PDE6A: variants seen among roughly 807,000 people sequenced by gnomAD.
PDE6A encodes phosphodiesterase 6A, also known as rod cGMP-specific 3',5'-cyclic phosphodiesterase subunit alpha.
PDE6A carries 84 observed loss-of-function variants against 106.3 expected under a neutral mutation model. The ratio of observed to expected loss-of-function variants is 0.79; its 90% confidence interval spans 0.66 to 0.95. PDE6A has a LOEUF of 0.95. Ranked by LOEUF, PDE6A falls within the 40% of genes least tolerant of loss-of-function variation. The probability of loss-of-function intolerance (pLI) is 0.00; values close to 1 mark genes in which losing one functional copy is unlikely to be tolerated. For missense variants in PDE6A, 1,052 were observed against 1,084.9 expected, an observed-to-expected ratio of 0.97 and a Z score of 0.43; for synonymous variants, 394 against 386.6, an observed-to-expected ratio of 1.02 and a Z score of -0.23.
chr5:149,892,147 T>TA (rs996904985), intron 13 of PDE6A, among the ~76,000 whole-genome samples: 1 of 152,044 alleles, frequency 6.6e-6, no homozygotes, highest in Non-Finnish European at 1.5e-5. Context: ...CCCATCTCTC[T>TA]AAAAAACAAA....
Position 149,866,259 on chromosome 5 carries a change from A to T in PDE6A, c.2275-6T>A. 1 of 1,610,174 alleles carries T rather than the reference A, an allele frequency of 6.2e-7. No homozygotes were observed. The highest frequency in any genetic ancestry group is 8.5e-7 in the Non-Finnish European group (1 of 1,176,374). On this transcript the variant is annotated splice_region_variant and splice_polypyrimidine_tract_variant and intron_variant, in intron 19 of 21. Coordinates refer to ENST00000255266, the MANE Select transcript of PDE6A (RefSeq NM_000440.3). ...TTGTTTCTGTCCATCATGGGCTGTC[A>T]TGGGGGAGAAAGAGTTAATTGCACT... is the stretch of plus-strand genomic sequence containing the variant.
At chr5:149,866,548 A>G in intron 19 of PDE6A, 1 of 389,130 alleles carries the variant, frequency 2.6e-6, no homozygotes. Context: ...GCTACAGATT[A>G]AAAGAGACTT....
intron 1 of PDE6A, among the ~76,000 whole-genome samples, chr5:149,934,941 A>AAG (rs1223026786): frequency 1.3e-5 from 2 of 152,122 alleles, no homozygotes; most frequent in Admixed American, 1.3e-4. Context: ...GAGGTGTGCA[A>AAG]AGCAGTGTGG....
At position 149,884,540 on chromosome 5, in the gene PDE6A, C is replaced by A. The variant is rs199871385; in HGVS notation, c.1966G>T (p.Glu656Ter). 1.1e-5 allele frequency: 18 copies of A among 1,613,724 alleles called. No homozygotes were observed. Among genetic ancestry groups the A allele is most frequent in the Non-Finnish European group, 1.4e-5 (17 of 1,179,936 alleles). ...IFQNLNRRQH[E>*]HAIHMMDIAI... Reference sequence around the variant, plus strand: ...ATGTCCATCATGTGGATGGCATGCTCATGCTGTCGACGATTGAGGTTTTGA... The same window carrying A: ...ATGTCCATCATGTGGATGGCATGCTAATGCTGTCGACGATTGAGGTTTTGA... Residue 656 changes from glutamate to a stop codon, truncating the protein, a stop_gained, in exon 16 of 22, where the codon GAG becomes TAG. Coordinates refer to ENST00000255266, the MANE Select transcript of PDE6A (RefSeq NM_000440.3). LOFTEE classifies it high-confidence loss of function.
rs371287292 is a variant in PDE6A at position 149,900,375 on chromosome 5, G to GTGTATATATATATATATATA, written c.1114-852_1114-851insTATATATATATATATATACA. On this transcript the variant is annotated intron_variant, in intron 8 of 21. Coordinates refer to ENST00000255266, the MANE Select transcript of PDE6A (RefSeq NM_000440.3). The stretch of plus-strand genomic sequence containing the variant: ...AGACTCCATCTCGAAAAATATATAT[G>GTGTATATATATATATATATA]TATATATATATATATATATATATCC... Among the ~76,000 whole-genome samples the GTGTATATATATATATATATA allele has an allele frequency of 7.9e-4, 65 of 82,628 alleles. 1 individual carries two copies. The highest frequency in any genetic ancestry group is 1.7e-3 in the African/African-American group (45 of 26,264). The allele number at this position is 82,628 out of a possible 152,430, so 54.2% of individuals were successfully genotyped here. A position where few individuals can be genotyped will look rare whatever the true frequency, so the allele number is the denominator to read the frequency against.
intron 5 of PDE6A, among the ~76,000 whole-genome samples, chr5:149,916,133 C>G (rs956648562): frequency 1.1e-4 from 16 of 152,130 alleles, no homozygotes; most frequent in Non-Finnish European, 2.4e-4. Flanking sequence ...CCACCATGCC[C>G]GGCCTCATTT....
chr5:149,910,775 A>G (rs982743703), intron 6 of PDE6A, among the ~76,000 whole-genome samples: 2 of 152,142 alleles, frequency 1.3e-5, no homozygotes. Flanking sequence ...AGTCACCTAC[A>G]TCAAAGTTCC....
intron 1 of PDE6A, among the ~76,000 whole-genome samples, chr5:149,941,793 G>A (rs540414401): frequency 4.5e-4 from 69 of 152,312 alleles, no homozygotes; most frequent in Non-Finnish European, 8.4e-4. Context: ...AAAAGACAGC[G>A]CTACATCGGT....
chr5:149,936,959 A>G (rs945432721), intron 1 of PDE6A, among the ~76,000 whole-genome samples: 2 of 152,242 alleles, frequency 1.3e-5, no homozygotes, highest in Admixed American at 1.3e-4. Flanking sequence ...GTTGTAATAT[A>G]AGGTGAACCT....
chr5:149,884,847 T>G lies in PDE6A; in HGVS notation c.1859A>C (p.Lys620Thr). The change falls in exon 15 of 22, where the codon AAG becomes ACG. Residue 620 changes from lysine to threonine, a missense_variant. By Grantham distance (78) the Lys-to-Thr change is moderately conservative. Transcript: ENST00000255266. Reference protein sequence around the residue: ...YQMKSQNPLAKLHGSSILERH... With the variant: ...YQMKSQNPLATLHGSSILERH... ...TTCCAAGATAGAGGACCCATGGAGC[T>G]TGGCCAGTGGGTTCTGGGATCTGAA... 6.2e-7 allele frequency: 1 copy of G among 1,614,026 alleles called. No homozygotes were observed. Among genetic ancestry groups the G allele is most frequent in the Non-Finnish European group, 8.5e-7 (1 of 1,179,894 alleles).
chr5:149,909,596 T>C (rs1753309061), intron 6 of PDE6A, among the ~76,000 whole-genome samples: 1 of 152,210 alleles, frequency 6.6e-6, no homozygotes, highest in Non-Finnish European at 1.5e-5. Flanking sequence ...CTGGTTTGAA[T>C]GTGACACCTA....
chr5:149,879,559 A>G (rs189708826), intron 17 of PDE6A, among the ~76,000 whole-genome samples: 4,179 of 141,152 alleles, frequency 0.03, 97 homozygotes, highest in Admixed American at 0.049. Context: ...ATATCTCCCA[A>G]TGCTATCCCT....
chr5:149,876,497 C>A (rs1319407147), intron 17 of PDE6A, among the ~76,000 whole-genome samples: 1 of 151,740 alleles, frequency 6.6e-6, no homozygotes, highest in Non-Finnish European at 1.5e-5. Flanking sequence ...CGTGCACCAC[C>A]GTACCTGGAT....
chr5:149,877,694 C>T (rs1431967138), intron 17 of PDE6A, among the ~76,000 whole-genome samples: 1 of 152,182 alleles, frequency 6.6e-6, no homozygotes, highest in Non-Finnish European at 1.5e-5. Context: ...ACAGGCATGG[C>T]CACCGGGCCC....
At chr5:149,916,092 C>T (rs979293202) in intron 5 of PDE6A, among the ~76,000 whole-genome samples, 3 of 152,216 alleles carry the variant, frequency 2.0e-5, no homozygotes, top group African/African-American at 4.8e-5. Flanking sequence ...CCTGCCTTGG[C>T]TTCCCAAAGC....
intron 13 of PDE6A, among the ~76,000 whole-genome samples, chr5:149,892,200 T>C (rs1398243469): frequency 6.6e-6 from 1 of 151,366 alleles, no homozygotes; most frequent in Admixed American, 6.6e-5. Context: ...TCTGTAGTTT[T>C]AGCTACTTGG....
At chr5:149,932,389 C>G in intron 3 of PDE6A, 1 of 1,365,310 alleles carries the variant, frequency 7.3e-7, no homozygotes, top group Non-Finnish European at 1.0e-6. Flanking sequence ...AGCCTAAGTA[C>G]ACGAGGTGCT....
chr5:149,890,150 T>C (rs1752493604), intron 13 of PDE6A, among the ~76,000 whole-genome samples: 1 of 151,750 alleles, frequency 6.6e-6, no homozygotes. Flanking sequence ...AGAGATGGGG[T>C]TTCACCATGT....
intron 5 of PDE6A, among the ~76,000 whole-genome samples, chr5:149,920,978 G>GAAAGAAAGAAAGAA (rs754488932): frequency 2.3e-5 from 3 of 132,262 alleles, no homozygotes; most frequent in Admixed American, 7.4e-5. Flanking sequence ...AAGAAAGAAA[G>GAAAGAAAGAAAGAA]AAAGAAAGAA....
Sources: allele counts gnomAD v4.1 joint callset (sites outside exome capture counted in the v4.1 genomes callset), GRCh38; gene constraint gnomAD v4.1.1; transcripts MANE v1.5; gene names NCBI Gene and HGNC (gene_info 2026-07-23, HGNC 2026-07-21).